TNXB: variants seen among roughly 807,000 people sequenced by gnomAD.
The protein encoded by TNXB is tenascin-X.
A neutral mutation model predicts 340.5 loss-of-function variants in TNXB; 183 were observed. The ratio of observed to expected loss-of-function variants is 0.54; its 90% confidence interval spans 0.48 to 0.61. The LOEUF (loss-of-function observed/expected upper bound fraction) is 0.61. Among genes scored for constraint, TNXB ranks in the 20% least tolerant of loss-of-function variants. The probability of loss-of-function intolerance (pLI) is 0.00; values close to 1 mark genes in which losing one functional copy is unlikely to be tolerated. For missense variants in TNXB, 4,613 were observed against 5,446.4 expected (o/e 0.85, Z 4.82); for synonymous variants, 2,121 against 2,314.5 (o/e 0.92, Z 2.40).
rs373158501 is a variant in TNXB at position 32,053,585 on chromosome 6, A to T, written c.8594T>A (p.Met2865Lys). The T allele has an allele frequency of 6.2e-7, 1 of 1,613,614 alleles. No homozygotes were observed. Among genetic ancestry groups the T allele is most frequent in the Non-Finnish European group, 8.5e-7 (1 of 1,179,840 alleles). ...ATPDSLSLSW[M>K]VPEGQFDHFL... Reference sequence around the variant, plus strand: ...GTGGTCAAACTGGCCCTCGGGGACCATCCAGGACAGGCTGAGGGAGTCAGG... The same window carrying T: ...GTGGTCAAACTGGCCCTCGGGGACCTTCCAGGACAGGCTGAGGGAGTCAGG... Residue 2865 changes from methionine (M) to lysine (K), a missense_variant, in exon 25 of 44, where the codon ATG becomes AAG. Physicochemically the swap from Met to Lys is moderately conservative, Grantham distance 95. This residue lies in a region of TNXB where 4,327 missense variants were observed against 4,859.4 expected (regional missense o/e 0.89). Coordinates refer to ENST00000644971, the MANE Select transcript of TNXB (RefSeq NM_001365276.2).
Position 32,097,795 on chromosome 6 carries a change from C to A in TNXB, c.403+1G>T, listed in dbSNP as rs369906116. 4 of 1,501,668 alleles carry A rather than the reference C, an allele frequency of 2.7e-6. No homozygotes were observed. Among genetic ancestry groups the A allele is most frequent in the South Asian group, 1.4e-5 (1 of 71,734 alleles). The allele number at this position is 1,501,668 out of a possible 1,614,324, so 93.0% of individuals were successfully genotyped here. A position where few individuals can be genotyped will look rare whatever the true frequency, so the allele number is the denominator to read the frequency against. Reference sequence around the variant, plus strand: ...ACCCTCTTCTGTGATCACCTGCTCACCTGTGCCAGCTTGGGCAGAGGCAGG... The same window carrying A: ...ACCCTCTTCTGTGATCACCTGCTCAACTGTGCCAGCTTGGGCAGAGGCAGG... On this transcript the variant is annotated splice_donor_variant, in intron 2 of 43. Transcript: ENST00000644971. LOFTEE classifies it high-confidence loss of function. This position sits in a 1 kb window ranked among gnomAD's most constrained non-coding sequence, Gnocchi z 5.9.
intron 13 of TNXB, among the ~76,000 whole-genome samples, chr6:32,071,262 C>A (rs960195566): frequency 6.6e-6 from 1 of 152,166 alleles, no homozygotes; most frequent in Non-Finnish European, 1.5e-5. Context: ...GGAAGGGCAG[C>A]CTCTGTAGGA....
chr6:32,103,231 G>A (rs41268902), intron 1 of TNXB, among the ~76,000 whole-genome samples: 9,728 of 151,708 alleles, frequency 0.064, 454 homozygotes, highest in Middle Eastern at 0.14. Context: ...AACCAGCCTG[G>A]CGATCATGCT....
intron 1 of TNXB, among the ~76,000 whole-genome samples, chr6:32,106,858 A>G (rs1023119796): frequency 6.6e-6 from 1 of 152,250 alleles, no homozygotes; most frequent in Non-Finnish European, 1.5e-5. Context: ...TTGCACAAAG[A>G]TGTGTACACA....
chr6:32,105,375 A>T (rs772313742), intron 1 of TNXB, among the ~76,000 whole-genome samples: 2 of 152,206 alleles, frequency 1.3e-5, no homozygotes, highest in Non-Finnish European at 2.9e-5. Flanking sequence ...TCATATATAA[A>T]CAAATATTTT....
At position 32,084,320 on chromosome 6, in the gene TNXB, A is replaced by G. The variant is rs562578830; in HGVS notation, c.3445+93T>C. ...AGCTCATGCACCACTGCCTCCAGGA[A>G]GCCTTCCCGGAGCTCCCAAAGCAGG... On this transcript the variant is annotated intron_variant, in intron 8 of 43. Transcript: ENST00000644971. The surrounding 1 kb of genome is among the most constrained non-coding windows in gnomAD (Gnocchi z 5.5). 7.1e-5 allele frequency: 76 copies of G among 1,069,528 alleles called. 1 individual carries two copies. The South Asian group carries it at 1.4e-3, about 20-fold the overall frequency. 66.3% of individuals were successfully genotyped at this position (1,069,528 alleles called of 1,614,324 possible).
rs757980679 is a variant in TNXB, at chr6:32,062,349, G to T, written c.6976C>A (p.Pro2326Thr). The change falls in exon 20 of 44, where the codon CCC (proline) becomes ACC (threonine). Residue 2326 changes from proline (P) to threonine (T), a missense_variant. By Grantham distance (38) the Pro-to-Thr change is conservative (BLOSUM62 -1). This residue lies in a region of TNXB where 4,327 missense variants were observed against 4,859.4 expected (regional missense o/e 0.89). Coordinates refer to ENST00000644971, the MANE Select transcript of TNXB (RefSeq NM_001365276.2). This position sits in a 1 kb window ranked among gnomAD's most constrained non-coding sequence, Gnocchi z 4.3. Reference sequence around the variant, plus strand: ...AGGAAGTGGTCAAACTGTCCCTCGGGAACCGTCCAGGACAGGCTGAGGGAG... The same window carrying T: ...AGGAAGTGGTCAAACTGTCCCTCGGTAACCGTCCAGGACAGGCTGAGGGAG... ...PDSLSLSWTVPEGQFDHFLVQ... is the reference protein window; with the variant it reads ...PDSLSLSWTVTEGQFDHFLVQ... The T allele has an allele frequency of 2.4e-5, 39 of 1,613,420 alleles. No individual in the cohort carries two copies. Among genetic ancestry groups the T allele is most frequent in the Middle Eastern group, 1.6e-4 (1 of 6,082 alleles).
chr6:32,103,088 T>C (rs1780802819), intron 1 of TNXB, among the ~76,000 whole-genome samples: 1 of 152,044 alleles, frequency 6.6e-6, no homozygotes, highest in Non-Finnish European at 1.5e-5. Flanking sequence ...AAAAACTCAT[T>C]GAGCTGCACA....
Position 32,046,253 on chromosome 6 carries a change from C to T in TNXB, c.10528G>A (p.Gly3510Ser). The change falls in exon 31 of 44, where the codon GGC (glycine) becomes AGC (serine). Residue 3510 changes from glycine to serine, a missense_variant. Transcript: ENST00000644971. This position sits in a 1 kb window ranked among gnomAD's most constrained non-coding sequence, Gnocchi z 6.9. ...RTVTVEDLEP[G>S]KKYKFLLYGL... ...TAGAGCAGAAACTTGTATTTCTTGCCAGGCTCCAGGTCCTCTACGGTGACT... is the reference window on the plus strand; with the variant it reads ...TAGAGCAGAAACTTGTATTTCTTGCTAGGCTCCAGGTCCTCTACGGTGACT... 2.5e-6 allele frequency: 4 copies of T among 1,605,340 alleles called. No individual in the cohort carries two copies. Among genetic ancestry groups the T allele is most frequent in the East Asian group, 2.2e-5 (1 of 44,844 alleles).
rs1779021109 is a variant in TNXB at position 32,075,260 on chromosome 6, C to A, written c.4376-1308G>T. 6.6e-6 allele frequency among the ~76,000 whole-genome samples: 1 copy of A among 152,248 alleles called. No homozygotes were observed. The highest frequency in any genetic ancestry group is 2.4e-5 in the African/African-American group (1 of 41,464). On this transcript the variant is annotated intron_variant, in intron 11 of 43. Coordinates refer to ENST00000644971, the MANE Select transcript of TNXB (RefSeq NM_001365276.2). This position sits in a 1 kb window ranked among gnomAD's most constrained non-coding sequence, Gnocchi z 4.6. ...TAGCCAGAGCTGGTTCCCGCAGTGG[C>A]TTCTACCTCACTCAGGGTGAAATCC...
chr6:32,078,814 C>T (rs1779260762), intron 11 of TNXB, among the ~76,000 whole-genome samples: 1 of 152,182 alleles, frequency 6.6e-6, no homozygotes, highest in South Asian at 2.1e-4. Flanking sequence ...GGTAGGTGTC[C>T]CCATTTTACG....
chr6:32,060,873 A>G (rs1777964241), intron 21 of TNXB, among the ~76,000 whole-genome samples: 1 of 152,014 alleles, frequency 6.6e-6, no homozygotes, highest in Non-Finnish European at 1.5e-5. Context: ...TCCTGACCTC[A>G]GGCGATCAGC....
chr6:32,097,391 G>A lies in TNXB; in HGVS notation c.462C>T (p.Cys154=), dbSNP rs1007917924. The A allele has an allele frequency of 1.2e-6, 2 of 1,610,582 alleles. No individual in the cohort carries two copies. Among genetic ancestry groups the A allele is most frequent in the South Asian group, 2.2e-5 (2 of 91,058 alleles). The change falls in exon 3 of 44, where the codon TGC becomes TGT. Residue 154 remains cysteine, a synonymous_variant. Transcript: ENST00000644971. The surrounding 1 kb of genome is among the most constrained non-coding windows in gnomAD (Gnocchi z 5.9). ...CCCAGCCTGGCTCACAGGAACAGGT[G>A]CAGCGGCTCAGATCAAACACACCAT... is the stretch of plus-strand genomic sequence containing the variant. The part of the protein sequence containing the change: ...SLHGVFDLSR[C]TCSCEPGWGG...
Position 32,089,189 on chromosome 6 carries a change from T to C in TNXB, c.2515+34A>G. ...TTCCCTCTCTAGTCCAGATCTCCAC[T>C]CAGGACACCCCTCCCCACAGCCCCA... On this transcript the variant is annotated intron_variant, in intron 5 of 43. Coordinates refer to ENST00000644971, the MANE Select transcript of TNXB (RefSeq NM_001365276.2). This position sits in a 1 kb window ranked among gnomAD's most constrained non-coding sequence, Gnocchi z 6.2. The C allele has an allele frequency of 6.3e-7, 1 of 1,575,312 alleles. No individual in the cohort carries two copies. Among genetic ancestry groups the C allele is most frequent in the Non-Finnish European group, 8.6e-7 (1 of 1,159,596 alleles).
At position 32,070,488 on chromosome 6, in the gene TNXB, A is replaced by T; in HGVS notation, c.4991-74T>A. 7.0e-7 allele frequency: 1 copy of T among 1,425,060 alleles called. No homozygotes were observed. The highest frequency in any genetic ancestry group is 1.5e-5 in the South Asian group (1 of 66,656). The allele number at this position is 1,425,060 out of a possible 1,614,324, so 88.3% of individuals were successfully genotyped here. A position where few individuals can be genotyped will look rare whatever the true frequency, so the allele number is the denominator to read the frequency against. ...ACTGCCTCCCTCTGGGGCTGGAAAAACCCAGAACTGCCCAAATGCTCAGTG... is the reference window on the plus strand; with the variant it reads ...ACTGCCTCCCTCTGGGGCTGGAAAATCCCAGAACTGCCCAAATGCTCAGTG... On this transcript the variant is annotated intron_variant, in intron 13 of 43. Coordinates refer to ENST00000644971, the MANE Select transcript of TNXB (RefSeq NM_001365276.2). The surrounding 1 kb of genome is among the most constrained non-coding windows in gnomAD (Gnocchi z 6.0).
chr6:32,057,383 C>T (rs1291710827), intron 22 of TNXB, among the ~76,000 whole-genome samples: 1 of 152,200 alleles, frequency 6.6e-6, no homozygotes, highest in Non-Finnish European at 1.5e-5. Context: ...CTTCCTACCC[C>T]ACCTCCAGTC....
At position 32,097,133 on chromosome 6, in the gene TNXB, T is replaced by C; in HGVS notation, c.720A>G (p.Ser240=). The C allele has an allele frequency of 1.2e-6, 2 of 1,604,788 alleles. No homozygotes were observed. The change falls in exon 3 of 44, where the codon TCA becomes TCG. Residue 240 remains serine, a synonymous_variant. Coordinates refer to ENST00000644971, the MANE Select transcript of TNXB (RefSeq NM_001365276.2). This position sits in a 1 kb window ranked among gnomAD's most constrained non-coding sequence, Gnocchi z 5.9. ...QGVCVCRAGF[S]GPDCSQRSCP... is the part of the protein sequence containing the mutation. ...AGGAGCGCTGGCTGCAGTCGGGGCC[T>C]GAGAAGCCTGCCCGGCACACACACA...
In TNXB at chr6:32,046,358, G is replaced by T; in HGVS notation, c.10423C>A (p.Pro3475Thr). ...TACTGGACCACGAAGGAGTCAAAGG[G>T]GCCCTGGGCTACCGTCCAGGACAGG... is the stretch of plus-strand genomic sequence containing the variant. ...LRLSWTVAQG[P>T]FDSFVVQYRD... Residue 3475 changes from proline (P) to threonine (T), a missense_variant, in exon 31 of 44, where the codon CCC (proline) becomes ACC (threonine). This residue lies in a region of TNXB where 4,327 missense variants were observed against 4,859.4 expected (regional missense o/e 0.89). Transcript: ENST00000644971. The surrounding 1 kb of genome is among the most constrained non-coding windows in gnomAD (Gnocchi z 6.9). 6.2e-7 allele frequency: 1 copy of T among 1,604,684 alleles called. No homozygotes were observed. Among genetic ancestry groups the T allele is most frequent in the Non-Finnish European group, 8.5e-7 (1 of 1,176,904 alleles).
In TNXB at chr6:32,096,330, A is replaced by C; in HGVS notation, c.1523T>G (p.Val508Gly). 6.5e-7 allele frequency: 1 copy of C among 1,546,110 alleles called. No homozygotes were observed. Among genetic ancestry groups the C allele is most frequent in the East Asian group, 2.4e-5 (1 of 41,174 alleles). Residue 508 changes from valine to glycine, a missense_variant, in exon 3 of 44, where the codon GTG becomes GGG. Val to Gly is a moderately radical substitution (Grantham distance 109). This residue lies in a region of TNXB where 4,327 missense variants were observed against 4,859.4 expected (regional missense o/e 0.89). Transcript: ENST00000644971. ...CGGGTTGCACACGCAGCGGCCATCC[A>C]CGCAGCGCCCGCGCCCGCGACAGTC... ...PGDCRGRGRC[V>G]DGRCVCNPGF...
Sources: gnomAD v4.1 joint callset for allele counts (sites outside exome capture counted in the v4.1 genomes callset) on GRCh38, gnomAD v4.1.1 for gene constraint, gnomAD v4.1.1 regional missense constraint, Gnocchi (gnomAD v3.1) non-coding constraint, MANE v1.5 for transcripts, NCBI Gene and HGNC (gene_info 2026-07-23, HGNC 2026-07-21) for gene names.